The following UBE2V2 variants were observed in gnomAD, a reference collection of about 807,000 sequenced individuals.
UBE2V2 encodes ubiquitin conjugating enzyme E2 V2, also known as ubiquitin-conjugating enzyme E2 variant 2.
Under a neutral mutation model 17.2 loss-of-function variants are expected in UBE2V2, and 9 were observed. The observed-to-expected ratio is 0.52, with a 90% CI of 0.32 to 0.91. UBE2V2 has a LOEUF of 0.91. Among genes scored for constraint, UBE2V2 ranks in the 40% least tolerant of loss-of-function variants. UBE2V2 has a pLI of 0.04. For missense variants in UBE2V2, 133 were observed against 182.6 expected (o/e 0.73, Z 1.56); for synonymous variants, 61 against 57.5 (o/e 1.06, Z -0.28).
At chr8:48,014,089 T>C (rs1016840981) in intron 1 of UBE2V2, among the ~76,000 whole-genome samples, 1 of 152,182 alleles carries the variant, frequency 6.6e-6, no homozygotes, top group African/African-American at 2.4e-5. Context: ...TATGGTAGTC[T>C]AGTGTATTTC....
intron 3 of UBE2V2, 82 bp downstream of exon 3, chr8:48,050,060 T>A: frequency 2.1e-6 from 2 of 967,296 alleles, no homozygotes; most frequent in South Asian, 3.2e-5. Context: ...ATAATATATG[T>A]AAGATATTAA....
rs922093724 is a variant in UBE2V2, at chr8:48,022,005, A to T, written c.16+13535A>T. On this transcript the variant is annotated intron_variant, in intron 1 of 3. Transcript: ENST00000523111. ...TATAGGTTTTTGCTTTGTGGTTACC[A>T]TGAGGCTTACAGAAAAGATCTTACA... 2.0e-5 allele frequency among the ~76,000 whole-genome samples: 3 copies of T among 151,876 alleles called. No individual in the cohort carries two copies. The East Asian group carries it at 5.8e-4, about 30-fold the overall frequency.
At chr8:48,049,485 G>A (rs1268125145) in intron 2 of UBE2V2, 1 of 187,604 alleles carries the variant, frequency 5.3e-6, no homozygotes, top group Non-Finnish European at 1.1e-5. Context: ...CCTCTACAAT[G>A]TAAACTTTTT....
chr8:48,020,048 T>C (rs1041224127), intron 1 of UBE2V2, among the ~76,000 whole-genome samples: 68 of 146,204 alleles, frequency 4.7e-4, no homozygotes, highest in African/African-American at 1.2e-3. Context: ...CTGTCTCTCT[T>C]TTTTTTTTTT....
intron 1 of UBE2V2, among the ~76,000 whole-genome samples, chr8:48,009,412 C>T (rs1463498230): frequency 4.0e-5 from 6 of 151,816 alleles, no homozygotes; most frequent in Admixed American, 6.6e-5. Flanking sequence ...ATTACAGGCG[C>T]GTGCCACCAG....
At position 48,064,469 on chromosome 8, in the gene UBE2V2, TA is replaced by T. The variant is rs921143451; in HGVS notation, c.*3645del. On this transcript the variant is annotated 3_prime_UTR_variant, in exon 4 of 4. Coordinates refer to ENST00000523111, the MANE Select transcript of UBE2V2 (RefSeq NM_003350.3). ...TTTTTACCTGATACTGAGTTTACTGTAAAATAGGAAATGCATAGGAAGGAAT... is the reference window on the plus strand; with the variant it reads ...TTTTTACCTGATACTGAGTTTACTGTAAATAGGAAATGCATAGGAAGGAAT... 9 of 152,180 alleles carry T rather than the reference TA, an allele frequency of 5.9e-5. No homozygotes were observed. Among genetic ancestry groups the T allele is most frequent in the Admixed American group, 3.3e-4 (5 of 15,266 alleles). 9.4% of individuals were successfully genotyped at this position (152,180 alleles called of 1,614,324 possible). A position where few individuals can be genotyped will look rare whatever the true frequency, so the allele number is the denominator to read the frequency against.
intron 1 of UBE2V2, among the ~76,000 whole-genome samples, chr8:48,018,302 C>T (rs2091283366): frequency 6.6e-6 from 1 of 152,216 alleles, no homozygotes; most frequent in Non-Finnish European, 1.5e-5. Context: ...ATAAAAACTT[C>T]TGTCTTAAAA....
intron 1 of UBE2V2, among the ~76,000 whole-genome samples, chr8:48,024,639 A>G (rs1042598204): frequency 6.6e-6 from 1 of 152,008 alleles, no homozygotes; most frequent in Admixed American, 6.6e-5. Context: ...TCTGTATCAC[A>G]CTGTATCCTA....
chr8:48,050,532 A>C (rs1233871883), intron 3 of UBE2V2: 1 of 152,178 alleles, frequency 6.6e-6, no homozygotes, highest in African/African-American at 2.4e-5. Context: ...TGCCTGGCCA[A>C]AAGTTTTCTT....
intron 2 of UBE2V2, among the ~76,000 whole-genome samples, chr8:48,045,387 A>C (rs999462531): frequency 6.6e-6 from 1 of 152,172 alleles, no homozygotes; most frequent in Non-Finnish European, 1.5e-5. Flanking sequence ...TGATGGTAAC[A>C]CACTAGGTAA....
chr8:48,006,149 C>T (rs933872606), upstream of UBE2V2, among the ~76,000 whole-genome samples: 6 of 152,068 alleles, frequency 3.9e-5, no homozygotes, highest in African/African-American at 1.4e-4. Context: ...GGTTTTAGGT[C>T]TTACGTTTAA....
chr8:48,008,524 T>A, intron 1 of UBE2V2, 54 bp downstream of exon 1: 1 of 1,536,004 alleles, frequency 6.5e-7, no homozygotes, highest in Non-Finnish European at 8.7e-7. Flanking sequence ...GCTCTGCCCC[T>A]CCGTCTGCTG....
rs1340278834 is a variant in UBE2V2, at chr8:48,063,482, A to G, written c.*2654A>G. 6.6e-6 allele frequency: 1 copy of G among 152,240 alleles called. No homozygotes were observed. The highest frequency in any genetic ancestry group is 1.5e-5 in the Non-Finnish European group (1 of 68,044). 9.4% of individuals were successfully genotyped at this position (152,240 alleles called of 1,614,324 possible). A position where few individuals can be genotyped will look rare whatever the true frequency, so the allele number is the denominator to read the frequency against. ...TAAATTTGCCTTAGAAATTTGTTTA[A>G]AAGGCTAGCAAGTGAGACCCTTGAG... is the stretch of plus-strand genomic sequence containing the variant. On this transcript the variant is annotated 3_prime_UTR_variant, in exon 4 of 4. Coordinates refer to ENST00000523111, the MANE Select transcript of UBE2V2 (RefSeq NM_003350.3).
chr8:48,002,953 T>C, the UBE2V2 span, among the ~76,000 whole-genome samples: 5 of 152,122 alleles, frequency 3.3e-5, no homozygotes, highest in African/African-American at 1.2e-4. Flanking sequence ...GGCTGACACC[T>C]GTAATCCCAG....
chr8:48,012,953 C>A (rs1393646749), intron 1 of UBE2V2, among the ~76,000 whole-genome samples: 1 of 151,564 alleles, frequency 6.6e-6, no homozygotes, highest in Non-Finnish European at 1.5e-5. Context: ...TCAAGTGATT[C>A]TCCTGCCTCA....
At chr8:47,999,482 G>A in the UBE2V2 span, among the ~76,000 whole-genome samples, 2 of 151,636 alleles carry the variant, frequency 1.3e-5, no homozygotes, top group South Asian at 4.2e-4. Flanking sequence ...TCAGCCTCCC[G>A]AGTAGCTGGG....
intron 3 of UBE2V2, among the ~76,000 whole-genome samples, chr8:48,058,001 G>A (rs2091583626): frequency 6.6e-6 from 1 of 152,028 alleles, no homozygotes; most frequent in Non-Finnish European, 1.5e-5. Flanking sequence ...TAATTGTCCT[G>A]GCTAGAACCT....
chr8:48,035,753 A>G (rs1270481155), intron 1 of UBE2V2, among the ~76,000 whole-genome samples: 1 of 118,572 alleles, frequency 8.4e-6, no homozygotes, highest in Non-Finnish European at 1.6e-5. Context: ...AGCTGGAATT[A>G]CAGGTACATG....
intron 1 of UBE2V2, among the ~76,000 whole-genome samples, chr8:48,009,177 A>T (rs1382543849): frequency 2.0e-5 from 3 of 152,130 alleles, no homozygotes; most frequent in Non-Finnish European, 4.4e-5. Flanking sequence ...GGTTTTAGAC[A>T]TTAGACCATT....
Sources: allele counts gnomAD v4.1 joint callset (sites outside exome capture counted in the v4.1 genomes callset), GRCh38; gene constraint gnomAD v4.1.1; transcripts MANE v1.5; gene names NCBI Gene and HGNC (gene_info 2026-07-23, HGNC 2026-07-21).